HCN4: variants seen among roughly 807,000 people sequenced by gnomAD.
HCN4 encodes hyperpolarization activated cyclic nucleotide gated potassium channel 4.
Under a neutral mutation model 76.9 loss-of-function variants are expected in HCN4, and 29 were observed. The ratio of observed to expected loss-of-function variants is 0.38; its 90% CI spans 0.28 to 0.51. The LOEUF (loss-of-function observed/expected upper bound fraction) is 0.51. Among genes scored for constraint, HCN4 ranks in the 20% least tolerant of loss-of-function variants. The probability of loss-of-function intolerance (pLI) is 0.90; values close to 1 mark genes in which losing one functional copy is unlikely to be tolerated. For synonymous variants in HCN4, 772 were observed against 762.5 expected, an observed-to-expected ratio of 1.01 and a Z score of -0.21; for missense variants, 1,416 against 1,715.2, an observed-to-expected ratio of 0.83 and a Z score of 3.08.
rs147075615 is a variant in HCN4 at position 73,325,370 on chromosome 15, G to A, written c.1665C>T (p.Tyr555=). 1.7e-5 allele frequency: 27 copies of A among 1,614,026 alleles called. No individual in the cohort carries two copies. Among genetic ancestry groups the A allele is most frequent in the South Asian group, 6.6e-5 (6 of 91,088 alleles). ...ACATCTTGCCCTGGTAGCGGTGCTC[G>A]TAGTAGTCGTGGATGCGCTGCCGGG... is the stretch of plus-strand genomic sequence containing the variant. ...PDTRQRIHDY[Y]EHRYQGKMFD... is the part of the protein sequence containing the mutation. Residue 555 remains tyrosine, a synonymous_variant, in exon 5 of 8, where the codon TAC becomes TAT. Transcript: ENST00000261917. The surrounding 1 kb of genome is among the most constrained non-coding windows in gnomAD (Gnocchi z 7.4).
intron 1 of HCN4, among the ~76,000 whole-genome samples, chr15:73,360,802 G>T (rs72741456): frequency 0.042 from 6,467 of 152,320 alleles, 207 homozygotes; most frequent in Middle Eastern, 0.086. Context: ...AACCCACCTG[G>T]CTTTAGTCTC....
chr15:73,342,085 G>A (rs1442980609), intron 2 of HCN4, among the ~76,000 whole-genome samples: 1 of 152,216 alleles, frequency 6.6e-6, no homozygotes, highest in Admixed American at 6.5e-5. Context: ...CTCACAGAGA[G>A]AGTAGGCCCT....
intron 2 of HCN4, among the ~76,000 whole-genome samples, chr15:73,337,475 T>A (rs995968501): frequency 1.3e-5 from 2 of 152,298 alleles, no homozygotes; most frequent in Non-Finnish European, 2.9e-5. Flanking sequence ...CAGTAACTGC[T>A]CCTTTGGACA....
intron 1 of HCN4, among the ~76,000 whole-genome samples, chr15:73,365,222 A>T (rs1381229453): frequency 6.6e-6 from 1 of 152,162 alleles, no homozygotes; most frequent in Non-Finnish European, 1.5e-5. Context: ...TAAGGATGAC[A>T]CTAGCTGTTT....
At chr15:73,324,028 G>A (rs2042882937) in intron 7 of HCN4, 61 bp downstream of exon 7, 4 of 1,610,408 alleles carry the variant, frequency 2.5e-6, no homozygotes, top group Non-Finnish European at 3.4e-6. Context: ...AGGCATAAAG[G>A]AGCCCTGCCC....
chr15:73,364,878 C>A (rs1286869357), intron 1 of HCN4, among the ~76,000 whole-genome samples: 1 of 152,218 alleles, frequency 6.6e-6, no homozygotes, highest in Non-Finnish European at 1.5e-5. Flanking sequence ...CTGGAAGCAG[C>A]CCATCACAGC....
Position 73,368,391 on chromosome 15 carries a change from G to T in HCN4, c.-121C>A. On this transcript the variant is annotated 5_prime_UTR_variant, in exon 1 of 8. Transcript: ENST00000261917. The surrounding 1 kb of genome is among the most constrained non-coding windows in gnomAD (Gnocchi z 6.9). ...CGCGTCCTTTGCCGCCGGCGTGGGG[G>T]CAGCCTCAGGCGCCCATGCTTGGGC... is the stretch of plus-strand genomic sequence containing the variant. 3 of 590,352 alleles carry T rather than the reference G, an allele frequency of 5.1e-6. No individual in the cohort carries two copies. The highest frequency in any genetic ancestry group is 7.7e-6 in the Non-Finnish European group (3 of 392,156). The allele number at this position is 590,352 out of a possible 1,614,324, so 36.6% of individuals were successfully genotyped here.
Position 73,322,272 on chromosome 15 carries a change from T to G in HCN4, c.*209A>C. 2.7e-6 allele frequency: 1 copy of G among 377,306 alleles called. No homozygotes were observed. Among genetic ancestry groups the G allele is most frequent in the Non-Finnish European group, 5.2e-6 (1 of 193,588 alleles). The allele number at this position is 377,306 out of a possible 1,614,324, so 23.4% of individuals were successfully genotyped here. ...CCCTCCCCCTCCCTCCCTCTAGTGC[T>G]GAGTATTAAAATAGTCTATAAAAGC... is the stretch of plus-strand genomic sequence containing the variant. On this transcript the variant is annotated 3_prime_UTR_variant, in exon 8 of 8. Transcript: ENST00000261917.
In HCN4 at chr15:73,368,454, G is replaced by A. The variant is rs1227812373; in HGVS notation, c.-184C>T. On this transcript the variant is annotated 5_prime_UTR_variant, in exon 1 of 8. Coordinates refer to ENST00000261917, the MANE Select transcript of HCN4 (RefSeq NM_005477.3). This position sits in a 1 kb window ranked among gnomAD's most constrained non-coding sequence, Gnocchi z 6.9. ...GCGGGGAGGATCCTAGTCCCGCTCC[G>A]AGTCCCCGGGCTCGCCGCGCTACAC... 5 of 382,490 alleles carry A rather than the reference G, an allele frequency of 1.3e-5. No homozygotes were observed. The Admixed American group carries it at 1.9e-4, about 14-fold the overall frequency. The allele number at this position is 382,490 out of a possible 1,614,324, so 23.7% of individuals were successfully genotyped here. A position where few individuals can be genotyped will look rare whatever the true frequency, so the allele number is the denominator to read the frequency against.
At position 73,367,801 on chromosome 15, in the gene HCN4, G is replaced by A; in HGVS notation, c.470C>T (p.Ala157Val). The A allele has an allele frequency of 4.8e-6, 6 of 1,251,522 alleles. No homozygotes were observed. Among genetic ancestry groups the A allele is most frequent in the Non-Finnish European group, 6.0e-6 (6 of 1,004,876 alleles). The allele number at this position is 1,251,522 out of a possible 1,614,324, so 77.5% of individuals were successfully genotyped here. ...CGGCGAGGCTGCGGGCTGCGCCGAG[G>A]CGCCGGGGCGCTCGGGCTCGGCCGC... is the stretch of plus-strand genomic sequence containing the variant. ...GLAAEPERPGASAQPAASPPP... is the reference protein window; with the variant it reads ...GLAAEPERPGVSAQPAASPPP... The change falls in exon 1 of 8, where the codon GCC becomes GTC. Residue 157 changes from alanine (A) to valine (V), a missense_variant. This residue lies in a region of HCN4 where 355 missense variants were observed against 347.8 expected (regional missense o/e 1.02). Transcript: ENST00000261917. The surrounding 1 kb of genome is among the most constrained non-coding windows in gnomAD (Gnocchi z 7.5).
rs776033369 is a variant in HCN4, at chr15:73,324,163, T to C, written c.2069A>G (p.Asn690Ser). ...CATGGGGTACTCCTCCAGCACCTCATTGAAGTTGTCCACGCTCAGCGAGTA... is the reference window on the plus strand; with the variant it reads ...CATGGGGTACTCCTCCAGCACCTCACTGAAGTTGTCCACGCTCAGCGAGTA... ...RLYSLSVDNFNEVLEEYPMMR... is the reference protein window; with the variant it reads ...RLYSLSVDNFSEVLEEYPMMR... The change falls in exon 7 of 8, where the codon AAT (asparagine) becomes AGT (serine). Residue 690 changes from asparagine to serine, a missense_variant. Coordinates refer to ENST00000261917, the MANE Select transcript of HCN4 (RefSeq NM_005477.3). The C allele has an allele frequency of 1.9e-5, 31 of 1,613,840 alleles. No homozygotes were observed. Among genetic ancestry groups the C allele is most frequent in the Middle Eastern group, 1.7e-4 (1 of 6,042 alleles).
At position 73,320,420 on chromosome 15, in the gene HCN4, G is replaced by A. The variant is rs1394630119; in HGVS notation, c.*2061C>T. 4.6e-5 allele frequency: 7 copies of A among 152,222 alleles called. No homozygotes were observed. Among genetic ancestry groups the A allele is most frequent in the African/African-American group, 9.7e-5 (4 of 41,430 alleles). 9.4% of individuals were successfully genotyped at this position (152,222 alleles called of 1,614,324 possible). On this transcript the variant is annotated 3_prime_UTR_variant, in exon 8 of 8. Coordinates refer to ENST00000261917, the MANE Select transcript of HCN4 (RefSeq NM_005477.3). ...CCCAGGATAGCTCAAGGCAAAACCC[G>A]ATCTTGCCAACATTCTGGCTTGGAG... is the stretch of plus-strand genomic sequence containing the variant.
Position 73,324,134 on chromosome 15 carries a change from G to A in HCN4, c.2098C>T (p.Arg700Ter). The change falls in exon 7 of 8, where the codon CGA (arginine) becomes TGA (stop). Residue 700 changes from arginine to a stop codon, truncating the protein, a stop_gained. Coordinates refer to ENST00000261917, the MANE Select transcript of HCN4 (RefSeq NM_005477.3). LOFTEE classifies it high-confidence loss of function. ...AGCGCCACGGTCTCGAAGGCCCTTC[G>A]CATCATGGGGTACTCCTCCAGCACC... ...NEVLEEYPMMRRAFETVALDR... is the reference protein window; with the variant it reads ...NEVLEEYPMM 1.2e-6 allele frequency: 2 copies of A among 1,613,688 alleles called. No individual in the cohort carries two copies. Among genetic ancestry groups the A allele is most frequent in the Non-Finnish European group, 1.7e-6 (2 of 1,179,950 alleles).
In HCN4 at chr15:73,322,863, C is replaced by CCGGGGGTGAG; in HGVS notation, c.3220_3229dup (p.Gly1077AlafsTer120). 1 of 1,490,726 alleles carries CCGGGGGTGAG rather than the reference C, an allele frequency of 6.7e-7. No individual in the cohort carries two copies. 92.3% of individuals were successfully genotyped at this position (1,490,726 alleles called of 1,614,324 possible). On this transcript the variant is annotated frameshift_variant, in exon 8 of 8. Coordinates refer to ENST00000261917, the MANE Select transcript of HCN4 (RefSeq NM_005477.3). LOFTEE classifies it high-confidence loss of function. ...GAGCTTGAGGTCCTGGGTGAGGCGG[C>CCGGGGGTGAG]CGGGGGTGAGCGGGGGTGTGCCCCG...
At position 73,321,309 on chromosome 15, in the gene HCN4, TGGAA is replaced by T. The variant is rs2042855935; in HGVS notation, c.*1168_*1171del. The T allele has an allele frequency of 6.6e-6, 1 of 152,188 alleles. No homozygotes were observed. Among genetic ancestry groups the T allele is most frequent in the African/African-American group, 2.4e-5 (1 of 41,448 alleles). The allele number at this position is 152,188 out of a possible 1,614,324, so 9.4% of individuals were successfully genotyped here. ...AGCCCCCCTCAACACAGTTTTCTGA[TGGAA>T]GGAACACAGACTTGGGCCTCAAGGA... On this transcript the variant is annotated 3_prime_UTR_variant, in exon 8 of 8. Transcript: ENST00000261917.
rs183970097 is a variant in HCN4, at chr15:73,361,241, C to T, written c.785+6245G>A. On this transcript the variant is annotated intron_variant, in intron 1 of 7. Transcript: ENST00000261917. ...CCCACGGTGACGGGGAGCTCACCACCTCTCTGTGCTGCCTCCCACCTCAGA... is the reference window on the plus strand; with the variant it reads ...CCCACGGTGACGGGGAGCTCACCACTTCTCTGTGCTGCCTCCCACCTCAGA... 1.4e-4 allele frequency among the ~76,000 whole-genome samples: 21 copies of T among 152,300 alleles called. No individual in the cohort carries two copies. In the East Asian group the frequency reaches 4.0e-3, roughly 29 times the overall value.
At chr15:73,336,029 C>T (rs934250291) in intron 2 of HCN4, among the ~76,000 whole-genome samples, 1 of 152,066 alleles carries the variant, frequency 6.6e-6, no homozygotes, top group Non-Finnish European at 1.5e-5. Flanking sequence ...GGAAGCCGCA[C>T]CCAGGAAAGG....
rs1438842471 is a variant in HCN4 at position 73,323,858 on chromosome 15, A to C, written c.2235T>G (p.Ile745Met). Residue 745 changes from isoleucine (I) to methionine (M), a missense_variant, in exon 8 of 8, where the codon ATT (isoleucine) becomes ATG (methionine). By Grantham distance (10) the Ile-to-Met change is conservative (BLOSUM62 1). This residue lies in a region of HCN4 where 241 missense variants were observed against 379.4 expected (regional missense o/e 0.64). Coordinates refer to ENST00000261917, the MANE Select transcript of HCN4 (RefSeq NM_005477.3). ...NYQENEIIQQ[I>M]VQHDREMAHC... ...GGGCCATCTCCCGGTCATGCTGCAC[A>C]ATCTGCTGGATGATCTCATTCTCCT... 1.9e-6 allele frequency: 3 copies of C among 1,604,630 alleles called. No homozygotes were observed. The African/African-American group carries it at 4.0e-5, about 21-fold the overall frequency.
chr15:73,349,644 C>G (rs1280255513), intron 1 of HCN4, among the ~76,000 whole-genome samples: 1 of 152,160 alleles, frequency 6.6e-6, no homozygotes, highest in Non-Finnish European at 1.5e-5. Flanking sequence ...CTCCCAGACC[C>G]CACTGCCTCC....
Sources: allele counts gnomAD v4.1 joint callset (sites outside exome capture counted in the v4.1 genomes callset), GRCh38; gene constraint gnomAD v4.1.1; regional missense constraint gnomAD v4.1.1; non-coding constraint Gnocchi (gnomAD v3.1); transcripts MANE v1.5; gene names NCBI Gene and HGNC (gene_info 2026-07-23, HGNC 2026-07-21).